ZSCAN25: variants seen among roughly 807,000 people sequenced by gnomAD.
ZSCAN25 encodes the protein zinc finger and SCAN domain containing 25.
A neutral mutation model predicts 38.7 loss-of-function variants in ZSCAN25; 27 were observed. The ratio of observed to expected loss-of-function variants is 0.70; its 90% CI spans 0.51 to 0.96. The LOEUF is 0.96. Ranked by LOEUF, ZSCAN25 falls within the 40% of genes least tolerant of loss-of-function variation. The pLI is 0.00. For missense variants in ZSCAN25, 637 were observed against 705.9 expected (o/e 0.90, Z 1.11); for synonymous variants, 273 against 277.7 (o/e 0.98, Z 0.17).
chr7:99,720,384 C>A, the ZSCAN25 span: 1 of 1,613,700 alleles, frequency 6.2e-7, no homozygotes, highest in Non-Finnish European at 8.5e-7. Flanking sequence ...TCTGTGATAG[C>A]CAGCATAGGC....
chr7:99,672,121 G>A, the ZSCAN25 span, among the ~76,000 whole-genome samples: 4 of 151,972 alleles, frequency 2.6e-5, no homozygotes, highest in African/African-American at 7.3e-5. Context: ...GCGTGATCTC[G>A]GCTCACTGCA....
the ZSCAN25 span, among the ~76,000 whole-genome samples, chr7:99,706,729 C>T: frequency 4.9e-4 from 75 of 152,278 alleles, no homozygotes; most frequent in Middle Eastern, 3.4e-3. Flanking sequence ...CACACACATG[C>T]AAATACATGA....
At chr7:99,736,424 T>C in the ZSCAN25 span, among the ~76,000 whole-genome samples, 519 of 152,280 alleles carry the variant, frequency 3.4e-3, 1 homozygote, top group Non-Finnish European at 6.1e-3. Context: ...GGAGAGCAGG[T>C]GCCAGGAGCT....
At chr7:99,701,997 A>G in the ZSCAN25 span, among the ~76,000 whole-genome samples, 10 of 151,014 alleles carry the variant, frequency 6.6e-5, no homozygotes, top group South Asian at 2.1e-3. Context: ...CTTGTGGGGT[A>G]TTACTTCAGC....
rs201439642 is a variant in ZSCAN25, at chr7:99,629,325, C to G, written c.940C>G (p.Pro314Ala). ...PGLGRVCEQEPGGPAGSAPGL... is the reference protein window; with the variant it reads ...PGLGRVCEQEAGGPAGSAPGL... ...GCTCGGAAGGGTCTGTGAGCAGGAG[C>G]CTGGTGGCCCTGCAGGCAGTGCGCC... The change falls in exon 8 of 8, where the codon CCT becomes GCT. Residue 314 changes from proline to alanine, a missense_variant. By Grantham distance (27) the Pro-to-Ala change is conservative (BLOSUM62 -1). Transcript: ENST00000394152. This position sits in a 1 kb window ranked among gnomAD's most constrained non-coding sequence, Gnocchi z 5.6. 17 of 1,614,182 alleles carry G rather than the reference C, an allele frequency of 1.1e-5. No individual in the cohort carries two copies. In the African/African-American group the frequency reaches 1.5e-4, roughly 14 times the overall value.
chr7:99,665,980 A>G, the ZSCAN25 span, among the ~76,000 whole-genome samples: 1 of 152,210 alleles, frequency 6.6e-6, no homozygotes, highest in Non-Finnish European at 1.5e-5. Context: ...CTGAGTGACC[A>G]CATGTCCCAA....
the ZSCAN25 span, chr7:99,710,981 A>G: frequency 3.7e-6 from 6 of 1,600,720 alleles, no homozygotes; most frequent in Admixed American, 1.7e-5. Flanking sequence ...GGAACCTTCA[A>G]ATCCCCAGGG....
the ZSCAN25 span, among the ~76,000 whole-genome samples, chr7:99,654,402 G>C: frequency 6.6e-6 from 1 of 152,134 alleles, no homozygotes; most frequent in Admixed American, 6.6e-5. Context: ...CTCTACAAAG[G>C]ACATGAACTC....
chr7:99,692,752 T>A, the ZSCAN25 span, among the ~76,000 whole-genome samples: 1 of 152,208 alleles, frequency 6.6e-6, no homozygotes, highest in Non-Finnish European at 1.5e-5. Flanking sequence ...GTCAGGTCAT[T>A]TAAGGTCTTC....
At chr7:99,617,221 G>T (rs771844788) in intron 1 of ZSCAN25, among the ~76,000 whole-genome samples, 4 of 152,226 alleles carry the variant, frequency 2.6e-5, no homozygotes, top group Non-Finnish European at 4.4e-5. Context: ...ACGCTGAGGG[G>T]CCGCCGCGCT....
At chr7:99,693,402 G>A in the ZSCAN25 span, among the ~76,000 whole-genome samples, 6 of 152,286 alleles carry the variant, frequency 3.9e-5, no homozygotes, top group East Asian at 1.9e-4. Flanking sequence ...CTCGAATACC[G>A]TGCTGAGAGA....
chr7:99,681,352 C>G, the ZSCAN25 span, among the ~76,000 whole-genome samples: 1 of 152,148 alleles, frequency 6.6e-6, no homozygotes, highest in Non-Finnish European at 1.5e-5. Flanking sequence ...TGTGGTAGCT[C>G]TATTTAATGT....
the ZSCAN25 span, among the ~76,000 whole-genome samples, chr7:99,706,735 CATGA>C: frequency 6.6e-6 from 1 of 152,220 alleles, no homozygotes; most frequent in African/African-American, 2.4e-5. Context: ...CATGCAAATA[CATGA>C]ATGTCATTTG....
the ZSCAN25 span, among the ~76,000 whole-genome samples, chr7:99,658,329 C>T: frequency 6.6e-6 from 1 of 152,064 alleles, no homozygotes; most frequent in Non-Finnish European, 1.5e-5. Flanking sequence ...TTTATTTCTC[C>T]TTCACTTATG....
At chr7:99,717,512 A>T in the ZSCAN25 span, 5 of 1,613,438 alleles carry the variant, frequency 3.1e-6, no homozygotes, top group Non-Finnish European at 3.4e-6. Context: ...TTAAAACCCA[A>T]GTTATTTTCA....
At chr7:99,701,365 G>T in the ZSCAN25 span, among the ~76,000 whole-genome samples, 4 of 152,212 alleles carry the variant, frequency 2.6e-5, no homozygotes, top group Non-Finnish European at 5.9e-5. Context: ...TGATGGACAT[G>T]TAGGTTGCTT....
the ZSCAN25 span, among the ~76,000 whole-genome samples, chr7:99,654,552 G>C: frequency 6.6e-6 from 1 of 152,326 alleles, no homozygotes; most frequent in Admixed American, 6.5e-5. Context: ...AAGTGTGCAT[G>C]TGTGTTTATA....
the ZSCAN25 span, chr7:99,720,663 T>G: frequency 2.4e-6 from 1 of 420,738 alleles, no homozygotes; most frequent in Non-Finnish European, 4.4e-6. Flanking sequence ...AAAGAGCTCT[T>G]CAAAGAGATT....
At position 99,631,522 on chromosome 7, in the gene ZSCAN25, CTGAG is replaced by C. The variant is rs1255303192; in HGVS notation, c.*1512_*1515del. The C allele has an allele frequency of 9.1e-6, 9 of 985,484 alleles. No individual in the cohort carries two copies. The Admixed American group carries it at 1.8e-4, about 20-fold the overall frequency. 61.0% of individuals were successfully genotyped at this position (985,484 alleles called of 1,614,324 possible). ...ATTGTGCTGTGCCTTTGAACCCTGG[CTGAG>C]TGAGTGAGTTTGTCCTTTGTTGATA... On this transcript the variant is annotated 3_prime_UTR_variant, in exon 8 of 8. Transcript: ENST00000394152.
Sources: gnomAD v4.1 joint callset for allele counts (sites outside exome capture counted in the v4.1 genomes callset) on GRCh38, gnomAD v4.1.1 for gene constraint, Gnocchi (gnomAD v3.1) non-coding constraint, MANE v1.5 for transcripts, NCBI Gene and HGNC (gene_info 2026-07-23, HGNC 2026-07-21) for gene names.